The following GOLGA7 variants were observed in gnomAD, a reference collection of about 807,000 sequenced individuals.
GOLGA7 encodes golgin A7, also known as golgin subfamily A member 7.
A neutral mutation model predicts 21.1 loss-of-function variants in GOLGA7; 10 were observed. That is an observed-to-expected ratio of 0.47 (90% CI 0.29 to 0.80). The LOEUF is 0.80. Ranked by LOEUF, GOLGA7 falls within the 30% of genes least tolerant of loss-of-function variation. The pLI is 0.08. For synonymous variants in GOLGA7, 64 were observed against 62.6 expected, an observed-to-expected ratio of 1.02 and a Z score of -0.10; for missense variants, 114 against 166.8, an observed-to-expected ratio of 0.68 and a Z score of 1.74.
At chr8:41,491,794 C>G (rs1158062215) in intron 1 of GOLGA7, among the ~76,000 whole-genome samples, 2 of 152,096 alleles carry the variant, frequency 1.3e-5, no homozygotes, top group African/African-American at 4.8e-5. Context: ...TGGTCTTGAC[C>G]CATGTTATGT....
chr8:41,503,400 G>A (rs113711539), intron 2 of GOLGA7, among the ~76,000 whole-genome samples: 2,590 of 127,840 alleles, frequency 0.02, 48 homozygotes, highest in Middle Eastern at 0.059. Flanking sequence ...TTGCTGTGCA[G>A]AAGCTCTTTA....
intron 1 of GOLGA7, among the ~76,000 whole-genome samples, chr8:41,491,471 T>G (rs1805882016): frequency 6.6e-6 from 1 of 152,186 alleles, no homozygotes; most frequent in Admixed American, 6.5e-5. Flanking sequence ...TCAGGCTTTC[T>G]TGGAACCTTA....
At chr8:41,506,363 G>A (rs1265739745) in intron 3 of GOLGA7, among the ~76,000 whole-genome samples, 1 of 152,088 alleles carries the variant, frequency 6.6e-6, no homozygotes, top group Non-Finnish European at 1.5e-5. Flanking sequence ...AACTCATAAT[G>A]TGTGGTGAGA....
chr8:41,510,532 C>T lies in GOLGA7; in HGVS notation c.*964C>T, dbSNP rs1433565309. 1.3e-5 allele frequency: 2 copies of T among 152,612 alleles called. No individual in the cohort carries two copies. The highest frequency in any genetic ancestry group is 4.8e-5 in the African/African-American group (2 of 41,434). The allele number at this position is 152,612 out of a possible 1,614,324, so 9.5% of individuals were successfully genotyped here. A position where few individuals can be genotyped will look rare whatever the true frequency, so the allele number is the denominator to read the frequency against. On this transcript the variant is annotated 3_prime_UTR_variant, in exon 5 of 5. Transcript: ENST00000357743. ...AACCTTATGACCCACAGAATTTTCT[C>T]ATATACAGTATTCAGTGCACAGAAA...
At chr8:41,501,203 A>T (rs1806141953) in intron 2 of GOLGA7, among the ~76,000 whole-genome samples, 1 of 152,216 alleles carries the variant, frequency 6.6e-6, no homozygotes, top group African/African-American at 2.4e-5. Context: ...GAGATCTTGG[A>T]CAAATTAATC....
chr8:41,493,788 A>G, intron 1 of GOLGA7, among the ~76,000 whole-genome samples: 1 of 151,978 alleles, frequency 6.6e-6, no homozygotes, highest in East Asian at 1.9e-4. Flanking sequence ...CTGATTTTTG[A>G]TGTTTGTGGG....
At chr8:41,494,170 C>T (rs1239032962) in intron 1 of GOLGA7, among the ~76,000 whole-genome samples, 3 of 151,960 alleles carry the variant, frequency 2.0e-5, no homozygotes, top group Non-Finnish European at 2.9e-5. Flanking sequence ...CTCGGAATAA[C>T]GCATAAGAAT....
chr8:41,494,887 C>T (rs1241818954), intron 1 of GOLGA7, among the ~76,000 whole-genome samples: 18 of 152,096 alleles, frequency 1.2e-4, no homozygotes, highest in Non-Finnish European at 2.9e-5. Flanking sequence ...AAAGAGTTGT[C>T]ATAGCTTAAG....
At chr8:41,507,166 A>G (rs1467579714) in intron 4 of GOLGA7, 45 bp downstream of exon 4, 1 of 791,018 alleles carries the variant, frequency 1.3e-6, no homozygotes, top group Non-Finnish European at 2.3e-6. Context: ...TTGCAAGTTT[A>G]GAGGATGCAT....
At chr8:41,501,254 A>G (rs1005255856) in intron 2 of GOLGA7, among the ~76,000 whole-genome samples, 2 of 152,054 alleles carry the variant, frequency 1.3e-5, no homozygotes, top group Non-Finnish European at 2.9e-5. Flanking sequence ...ATTAGAATTA[A>G]TAATTTTCCT....
intron 4 of GOLGA7, among the ~76,000 whole-genome samples, chr8:41,507,621 C>T (rs559740690): frequency 6.6e-6 from 1 of 152,238 alleles, no homozygotes; most frequent in East Asian, 1.9e-4. Context: ...TGAGTAGAAA[C>T]ATAAATTTCA....
intron 3 of GOLGA7, among the ~76,000 whole-genome samples, 159 bp downstream of exon 3, chr8:41,506,171 AT>A (rs35456080): frequency 4.6e-5 from 7 of 150,552 alleles, no homozygotes; most frequent in Non-Finnish European, 8.9e-5. Flanking sequence ...TGTCTCCAAC[AT>A]TTTTTTTTAA....
chr8:41,497,648 C>T lies in GOLGA7; in HGVS notation c.251C>T (p.Thr84Ile), dbSNP rs1305278779. ...TATACCATCTTCCTATGCATGGAAA[C>T]TCATTATGAGAAGGTAATGCTACAT... ...TAYTIFLCME[T>I]HYEKVLKKVS... Residue 84 changes from threonine (T) to isoleucine (I), a missense_variant, in exon 2 of 5, where the codon ACT (threonine) becomes ATT (isoleucine). Thr to Ile is a moderately conservative substitution (Grantham distance 89). Transcript: ENST00000357743. 6.5e-7 allele frequency: 1 copy of T among 1,544,012 alleles called. No homozygotes were observed. The highest frequency in any genetic ancestry group is 8.9e-7 in the Non-Finnish European group (1 of 1,126,156).
chr8:41,505,018 A>G (rs920557014), intron 2 of GOLGA7, among the ~76,000 whole-genome samples: 6 of 152,220 alleles, frequency 3.9e-5, no homozygotes, highest in Non-Finnish European at 7.3e-5. Context: ...GCCTCTTTTG[A>G]ACATTAGAGC....
At chr8:41,503,699 G>A (rs1294171026) in intron 2 of GOLGA7, among the ~76,000 whole-genome samples, 1 of 102,502 alleles carries the variant, frequency 9.8e-6, no homozygotes, top group East Asian at 2.3e-4. Context: ...TTTTTCTCAG[G>A]TTTGTCAAAG....
chr8:41,492,611 G>A lies in GOLGA7; in HGVS notation c.111+1646G>A, dbSNP rs374199150. ...TGGGAGGCGGAGGTTGCAGTGAGCCGAGATCATGCCATTGTACTCCAGCCT... is the reference window on the plus strand; with the variant it reads ...TGGGAGGCGGAGGTTGCAGTGAGCCAAGATCATGCCATTGTACTCCAGCCT... On this transcript the variant is annotated intron_variant, in intron 1 of 4. Coordinates refer to ENST00000357743, the MANE Select transcript of GOLGA7 (RefSeq NM_001002296.2). Among the ~76,000 whole-genome samples, 8 of 152,328 alleles carry A rather than the reference G, an allele frequency of 5.3e-5. No individual in the cohort carries two copies. The East Asian group carries it at 7.7e-4, about 15-fold the overall frequency.
chr8:41,504,143 AAAAC>A lies in GOLGA7; in HGVS notation c.265-1764_265-1761del, dbSNP rs200717792. On this transcript the variant is annotated intron_variant, in intron 2 of 4. Transcript: ENST00000357743. ...AATAAAAAAAAAAAAAAAACAAAAC[AAAAC>A]AAAAAAAAAACTTGCCCAGCAAAGT... Among the ~76,000 whole-genome samples the A allele has an allele frequency of 5.3e-3, 792 of 149,104 alleles. 5 individuals carry two copies. Among genetic ancestry groups the A allele is most frequent in the African/African-American group, 0.019 (763 of 39,880 alleles).
chr8:41,499,203 C>T (rs1395178052), intron 2 of GOLGA7, among the ~76,000 whole-genome samples: 1 of 152,142 alleles, frequency 6.6e-6, no homozygotes, highest in Non-Finnish European at 1.5e-5. Context: ...TCTAGGAGAG[C>T]ATACAGATGG....
At chr8:41,505,046 G>T (rs905306030) in intron 2 of GOLGA7, among the ~76,000 whole-genome samples, 2 of 152,188 alleles carry the variant, frequency 1.3e-5, no homozygotes, top group African/African-American at 4.8e-5. Context: ...AAGTTATGAT[G>T]ACTTCGAGCC....
Sources: allele counts gnomAD v4.1 joint callset (sites outside exome capture counted in the v4.1 genomes callset), GRCh38; gene constraint gnomAD v4.1.1; transcripts MANE v1.5; gene names NCBI Gene and HGNC (gene_info 2026-07-23, HGNC 2026-07-21).